The following SNTG2 variants were observed in gnomAD, a reference collection of about 807,000 sequenced individuals.
SNTG2 encodes the protein gamma-2-syntrophin.
Under a neutral mutation model 70.9 loss-of-function variants are expected in SNTG2, and 74 were observed. That is an observed-to-expected ratio of 1.04 (90% CI 0.86 to 1.27). The LOEUF (loss-of-function observed/expected upper bound fraction) is 1.27. Among genes scored for constraint, SNTG2 ranks in the 50% most tolerant of loss-of-function variants. SNTG2 has a pLI of 0.00. For missense variants in SNTG2, 717 were observed against 690.7 expected, an observed-to-expected ratio of 1.04 and a Z score of -0.43; for synonymous variants, 278 against 273.8, an observed-to-expected ratio of 1.02 and a Z score of -0.15.
chr2:1,243,703 C>T (rs900002425), intron 11 of SNTG2, among the ~76,000 whole-genome samples: 3 of 152,152 alleles, frequency 2.0e-5, no homozygotes, highest in African/African-American at 7.2e-5. Context: ...ATCTAAATTG[C>T]AGCGCATGAT....
chr2:1,286,963 C>T lies in SNTG2; in HGVS notation c.1284+19392C>T, dbSNP rs73177747. 1.4e-3 allele frequency among the ~76,000 whole-genome samples: 214 copies of T among 152,296 alleles called. 1 individual carries two copies. The highest frequency in any genetic ancestry group is 4.8e-3 in the African/African-American group (201 of 41,570). ...GCAGACATGCTCCTGTGCACTTCCTCGGCAGGCTCTTCACTCTTTCAGAAT... is the reference window on the plus strand; with the variant it reads ...GCAGACATGCTCCTGTGCACTTCCTTGGCAGGCTCTTCACTCTTTCAGAAT... On this transcript the variant is annotated intron_variant, in intron 14 of 16. Coordinates refer to ENST00000308624, the MANE Select transcript of SNTG2 (RefSeq NM_018968.4).
intron 14 of SNTG2, among the ~76,000 whole-genome samples, chr2:1,272,789 G>C (rs1679106146): frequency 6.7e-6 from 1 of 150,134 alleles, no homozygotes; most frequent in African/African-American, 2.5e-5. Flanking sequence ...AGCGGGTGCA[G>C]AAAGGACACC....
chr2:1,307,312 T>TTG (rs142934963), intron 14 of SNTG2, among the ~76,000 whole-genome samples: 3,020 of 139,890 alleles, frequency 0.022, 58 homozygotes, highest in African/African-American at 0.058. Flanking sequence ...CAGCCCTGCA[T>TTG]TGTGTGTGTG....
chr2:1,317,397 T>G (rs1259616108), intron 16 of SNTG2, among the ~76,000 whole-genome samples: 9 of 103,748 alleles, frequency 8.7e-5, no homozygotes, highest in South Asian at 3.6e-4. Flanking sequence ...CTGGAGCATG[T>G]AGCATGAGGC....
intron 1 of SNTG2, among the ~76,000 whole-genome samples, chr2:1,069,956 G>A (rs995984193): frequency 2.0e-5 from 3 of 152,022 alleles, no homozygotes; most frequent in Non-Finnish European, 4.4e-5. Context: ...TTCCCTGGAC[G>A]CTCGTTCCCA....
At chr2:1,195,568 T>C (rs1480224875) in intron 8 of SNTG2, among the ~76,000 whole-genome samples, 1 of 152,182 alleles carries the variant, frequency 6.6e-6, no homozygotes, top group African/African-American at 2.4e-5. Context: ...TTTGATGGGG[T>C]TATTTGTTTT....
chr2:1,136,473 G>A (rs1241904106), intron 4 of SNTG2, among the ~76,000 whole-genome samples: 3 of 152,036 alleles, frequency 2.0e-5, no homozygotes, highest in African/African-American at 4.8e-5. Flanking sequence ...TGTTTGGATC[G>A]CTTAACATCA....
intron 14 of SNTG2, among the ~76,000 whole-genome samples, chr2:1,304,560 T>C (rs1680592927): frequency 6.6e-6 from 1 of 152,062 alleles, no homozygotes; most frequent in Non-Finnish European, 1.5e-5. Context: ...ACCCCATGTC[T>C]ACTAAAAATA....
chr2:1,088,035 C>T (rs1486370790), intron 2 of SNTG2, among the ~76,000 whole-genome samples: 1 of 152,102 alleles, frequency 6.6e-6, no homozygotes. Flanking sequence ...TCTTTGGGTC[C>T]AAAATCAGGA....
At chr2:1,195,629 G>C (rs886454472) in intron 8 of SNTG2, among the ~76,000 whole-genome samples, 22 of 152,228 alleles carry the variant, frequency 1.4e-4, no homozygotes, top group African/African-American at 5.3e-4. Context: ...TTAGCCCTTT[G>C]TCAGATGAAT....
chr2:1,057,311 C>T (rs1572327264), intron 1 of SNTG2, among the ~76,000 whole-genome samples: 1 of 151,964 alleles, frequency 6.6e-6, no homozygotes, highest in African/African-American at 2.4e-5. Flanking sequence ...TTCTGTATGC[C>T]TGAAAGGAGA....
At chr2:1,006,538 T>C (rs1367217254) in intron 1 of SNTG2, among the ~76,000 whole-genome samples, 4 of 152,202 alleles carry the variant, frequency 2.6e-5, no homozygotes, top group South Asian at 2.1e-4. Flanking sequence ...CTTTTAGTTA[T>C]ACTTTTCTGT....
chr2:984,371 C>T (rs1661234507), intron 1 of SNTG2, among the ~76,000 whole-genome samples: 1 of 150,694 alleles, frequency 6.6e-6, no homozygotes, highest in African/African-American at 2.4e-5. Flanking sequence ...GTGCGTGTTT[C>T]TTCTACCAAG....
At chr2:1,221,702 G>T (rs1425986331) in intron 9 of SNTG2, among the ~76,000 whole-genome samples, 4 of 8 alleles carry the variant, frequency 0.5, 2 homozygotes, top group African/African-American at 1. Context: ...GGTTCTTCTC[G>T]GTCTCTGTCT....
At chr2:1,267,645 G>A in intron 14 of SNTG2, 74 bp downstream of exon 14, 1 of 1,308,808 alleles carries the variant, frequency 7.6e-7, no homozygotes, top group Non-Finnish European at 1.1e-6. Context: ...GGAATATGTA[G>A]CAGTTTATCG....
chr2:1,140,293 C>T (rs1204107544), intron 6 of SNTG2, among the ~76,000 whole-genome samples: 1 of 152,208 alleles, frequency 6.6e-6, no homozygotes, highest in African/African-American at 2.4e-5. Flanking sequence ...ATAGTTTCCC[C>T]TTTTTAGTAC....
chr2:1,311,954 A>G (rs941929397), intron 15 of SNTG2, among the ~76,000 whole-genome samples: 14 of 152,140 alleles, frequency 9.2e-5, no homozygotes, highest in Non-Finnish European at 8.8e-5. Context: ...TGGGAGGCCA[A>G]CCCAACTCAT....
chr2:1,361,799 G>A (rs866598355), intron 16 of SNTG2, among the ~76,000 whole-genome samples: 10 of 143,600 alleles, frequency 7.0e-5, no homozygotes, highest in African/African-American at 1.0e-4. Context: ...GAAGGTCACC[G>A]ATGCTGAGCA....
rs1661153456 is a variant in SNTG2, at chr2:1,361,637, G to A, written c.1489-5706G>A. ...GCATTTCAGTAGAACTTCCACGAAG[G>A]TCACCGATGCTGAGCATTTCAGTAG... On this transcript the variant is annotated intron_variant, in intron 16 of 16. Coordinates refer to ENST00000308624, the MANE Select transcript of SNTG2 (RefSeq NM_018968.4). Among the ~76,000 whole-genome samples the A allele has an allele frequency of 2.0e-5, 3 of 152,236 alleles. No homozygotes were observed. The East Asian group carries it at 5.8e-4, about 29-fold the overall frequency.
Sources: allele counts gnomAD v4.1 joint callset (sites outside exome capture counted in the v4.1 genomes callset), GRCh38; gene constraint gnomAD v4.1.1; transcripts MANE v1.5; gene names NCBI Gene and HGNC (gene_info 2026-07-23, HGNC 2026-07-21).